ITSN1: variants seen among roughly 807,000 people sequenced by gnomAD.
ITSN1 encodes the protein intersectin-1.
In ITSN1, 58 loss-of-function variants were observed where a neutral mutation model predicts 239.8. The observed-to-expected ratio is 0.24, with a 90% CI of 0.20 to 0.30. The LOEUF is 0.30. Ranked by LOEUF, ITSN1 falls within the 10% of genes least tolerant of loss-of-function variation. ITSN1 has a pLI of 1.00. For missense variants in ITSN1, 1,558 were observed against 2,103.3 expected, an observed-to-expected ratio of 0.74 and a Z score of 5.07; for synonymous variants, 780 against 770.8, an observed-to-expected ratio of 1.01 and a Z score of -0.20.
chr21:33,837,223 T>A, intron 29 of ITSN1: 5 of 1,254,740 alleles, frequency 4.0e-6, no homozygotes, highest in Non-Finnish European at 5.0e-6. Flanking sequence ...GAGCAAAAAT[T>A]ACAAAAACAC....
chr21:33,648,369 GTA>G (rs1011651607), intron 1 of ITSN1, among the ~76,000 whole-genome samples: 4 of 152,204 alleles, frequency 2.6e-5, no homozygotes, highest in Admixed American at 2.6e-4. Context: ...GATTTTTACT[GTA>G]GAGTCCAAAA....
At chr21:33,867,797 C>A (rs988754404) in intron 33 of ITSN1, among the ~76,000 whole-genome samples, 1 of 151,498 alleles carries the variant, frequency 6.6e-6, no homozygotes, top group Non-Finnish European at 1.5e-5. Flanking sequence ...CAGATGTGTT[C>A]GGAGTTTCTT....
chr21:33,848,811 C>T (rs1341169982), intron 29 of ITSN1, among the ~76,000 whole-genome samples: 1 of 152,164 alleles, frequency 6.6e-6, no homozygotes, highest in Non-Finnish European at 1.5e-5. Context: ...CATTCTTCCT[C>T]CCTCCATTTG....
At chr21:33,725,349 T>C (rs1287460334) in intron 4 of ITSN1, among the ~76,000 whole-genome samples, 1 of 151,894 alleles carries the variant, frequency 6.6e-6, no homozygotes, top group Non-Finnish European at 1.5e-5. Context: ...TTGGTCATGC[T>C]GGTCTCAAAC....
At chr21:33,829,339 G>A (rs981007417) in intron 26 of ITSN1, 2 of 392,512 alleles carry the variant, frequency 5.1e-6, no homozygotes, top group Non-Finnish European at 9.5e-6. Flanking sequence ...GAGTGGGCAA[G>A]GAGCGGACTT....
chr21:33,896,162 G>C lies in ITSN1; in HGVS notation c.*7862G>C, dbSNP rs1447101533. 2 of 152,218 alleles carry C rather than the reference G, an allele frequency of 1.3e-5. No individual in the cohort carries two copies. Among genetic ancestry groups the C allele is most frequent in the Non-Finnish European group, 2.9e-5 (2 of 68,046 alleles). 9.4% of individuals were successfully genotyped at this position (152,218 alleles called of 1,614,324 possible). ...CACAAATGGCCTGGACTAGCTAGTG[G>C]GTGTGGAACCGAGCCCCTAGTTCAC... On this transcript the variant is annotated 3_prime_UTR_variant, in exon 40 of 40. Coordinates refer to ENST00000381318, the MANE Select transcript of ITSN1 (RefSeq NM_003024.3).
chr21:33,876,468 G>A, intron 34 of ITSN1, among the ~76,000 whole-genome samples: 1 of 152,162 alleles, frequency 6.6e-6, no homozygotes, highest in East Asian at 1.9e-4. Context: ...GAGCTCAAGT[G>A]ATCTTCCCAC....
At chr21:33,778,843 G>T (rs1569161373) in intron 14 of ITSN1, among the ~76,000 whole-genome samples, 2 of 141,108 alleles carry the variant, frequency 1.4e-5, no homozygotes, top group Non-Finnish European at 2.9e-5. Context: ...CTCCCAAAGT[G>T]CTGGGATTAC....
At chr21:33,778,601 C>G (rs1342873526) in intron 14 of ITSN1, among the ~76,000 whole-genome samples, 1 of 57,898 alleles carries the variant, frequency 1.7e-5, no homozygotes, top group Non-Finnish European at 2.5e-5. Flanking sequence ...TTTTTTGAGA[C>G]GGAGTCTCGC....
intron 1 of ITSN1, among the ~76,000 whole-genome samples, chr21:33,649,211 T>C (rs1199499767): frequency 6.6e-6 from 1 of 152,120 alleles, no homozygotes; most frequent in Admixed American, 6.5e-5. Flanking sequence ...TGAATGTGAA[T>C]GTTGGCCACT....
chr21:33,646,241 CGT>C (rs753358749), intron 1 of ITSN1, among the ~76,000 whole-genome samples: 3 of 152,094 alleles, frequency 2.0e-5, no homozygotes, highest in Non-Finnish European at 4.4e-5. Flanking sequence ...CTTTCCCAGG[CGT>C]AGTGTGCTCA....
intron 33 of ITSN1, among the ~76,000 whole-genome samples, chr21:33,871,429 C>CA (rs1423651732): frequency 1.1e-4 from 9 of 80,878 alleles, no homozygotes; most frequent in African/African-American, 9.0e-4. Context: ...AACTCTGTCT[C>CA]AAAAAAACAA....
At chr21:33,854,254 G>A (rs902055566) in intron 29 of ITSN1, among the ~76,000 whole-genome samples, 1 of 152,176 alleles carries the variant, frequency 6.6e-6, no homozygotes, top group Admixed American at 6.5e-5. Context: ...TGGCCACTAC[G>A]GGCCTGATGT....
intron 38 of ITSN1, 24 bp downstream of exon 38, chr21:33,885,546 C>T (rs1490822025): frequency 6.2e-7 from 1 of 1,604,124 alleles, no homozygotes; most frequent in Non-Finnish European, 8.5e-7. Flanking sequence ...GCGCCCCCGG[C>T]TCCTGCTTTG....
At position 33,875,395 on chromosome 21, in the gene ITSN1, C is replaced by G; in HGVS notation, c.4215C>G (p.His1405Gln). The change falls in exon 34 of 40, where the codon CAC becomes CAG. Residue 1405 changes from histidine to glutamine, a missense_variant. Around this residue, in one of 2 missense-constraint regions of ITSN1, gnomAD observed 576 missense variants for 893.3 expected, o/e 0.64. Transcript: ENST00000381318. ...NTPENHPDHS[H>Q]LKHALEKAEE... The stretch of plus-strand genomic sequence containing the variant: ...CTGAAAACCACCCGGACCACAGCCA[C>G]TTGAAGCACGCCCTGGAGAAGGCGG... 6.2e-7 allele frequency: 1 copy of G among 1,614,120 alleles called. No homozygotes were observed. The highest frequency in any genetic ancestry group is 1.3e-5 in the African/African-American group (1 of 75,030).
At chr21:33,867,170 T>C (rs948652889) in intron 32 of ITSN1, 63 bp from the exon 33 acceptor site, 30 of 894,664 alleles carry the variant, frequency 3.4e-5, no homozygotes, top group Middle Eastern at 2.5e-4. Context: ...GACATTAGTA[T>C]TGATGTCACT....
intron 1 of ITSN1, among the ~76,000 whole-genome samples, chr21:33,701,794 CA>C (rs879465116): frequency 0.011 from 1,489 of 138,748 alleles, 24 homozygotes; most frequent in African/African-American, 0.035. Context: ...GACTCCATCT[CA>C]AAAAAAAAAA....
intron 29 of ITSN1, among the ~76,000 whole-genome samples, chr21:33,854,838 AG>A (rs1979011246): frequency 6.6e-6 from 1 of 152,166 alleles, no homozygotes; most frequent in Admixed American, 6.5e-5. Flanking sequence ...GCTTGACCTC[AG>A]GGCAGGGGAC....
intron 3 of ITSN1, 52 bp downstream of exon 3, chr21:33,721,322 T>A: frequency 8.8e-7 from 1 of 1,142,502 alleles, no homozygotes; most frequent in Non-Finnish European, 1.3e-6. Context: ...TGCAGATGTC[T>A]GTGGAAACTC....
Sources: allele counts gnomAD v4.1 joint callset (sites outside exome capture counted in the v4.1 genomes callset), GRCh38; gene constraint gnomAD v4.1.1; regional missense constraint gnomAD v4.1.1; transcripts MANE v1.5; gene names NCBI Gene and HGNC (gene_info 2026-07-23, HGNC 2026-07-21).